TSHZ3: variants seen among roughly 807,000 people sequenced by gnomAD.
TSHZ3 encodes the protein teashirt homolog 3.
In TSHZ3, 10 loss-of-function variants were observed where a neutral mutation model predicts 64.5. The ratio of observed to expected loss-of-function variants is 0.16; its 90% CI spans 0.10 to 0.26. The LOEUF (loss-of-function observed/expected upper bound fraction) is 0.26. TSHZ3 is among the 10% of genes least tolerant of loss of function. The pLI, the probability that TSHZ3 is intolerant of heterozygous loss-of-function variation, is 1.00. For synonymous variants in TSHZ3, 608 were observed against 593.1 expected, an observed-to-expected ratio of 1.03 and a Z score of -0.36; for missense variants, 1,242 against 1,421.7, an observed-to-expected ratio of 0.87 and a Z score of 2.03.
chr19:31,260,261 C>T lies in TSHZ3; in HGVS notation n.64-17386G>A, dbSNP rs573825817. ...CTTGCTCTGTCCTGCCCAGTCCCCCCGCCCAGGTCTCTGTCAGATTCACCA... is the reference window on the plus strand; with the variant it reads ...CTTGCTCTGTCCTGCCCAGTCCCCCTGCCCAGGTCTCTGTCAGATTCACCA... On this transcript the variant is annotated intron_variant and non_coding_transcript_variant, in intron 1 of 6. Coordinates refer to the TSHZ3 transcript ENST00000651361. Among the ~76,000 whole-genome samples, 11 of 152,276 alleles carry T rather than the reference C, an allele frequency of 7.2e-5. No homozygotes were observed. In the East Asian group the frequency reaches 7.7e-4, roughly 11 times the overall value.
At position 31,236,877 on chromosome 19, in the gene TSHZ3, G is replaced by A. The variant is rs146797287; in HGVS notation, n.550+5392C>T. ...AAGAAACAATCAACAGGCTGGGCGT[G>A]GTGGCTCAGGCCTGTAATCCCAGCA... On this transcript the variant is annotated intron_variant and non_coding_transcript_variant, in intron 3 of 6. Coordinates refer to the TSHZ3 transcript ENST00000651361. Among the ~76,000 whole-genome samples, 708 of 152,288 alleles carry A rather than the reference G, an allele frequency of 4.6e-3. 7 individuals carry two copies. The highest frequency in any genetic ancestry group is 0.015 in the African/African-American group (639 of 41,568).
chr19:31,263,757 C>T (rs1599611044), intron 1 of TSHZ3, among the ~76,000 whole-genome samples: 1 of 152,136 alleles, frequency 6.6e-6, no homozygotes, highest in Admixed American at 6.5e-5. Flanking sequence ...AGCAATGAGG[C>T]AATTAATGAG....
At chr19:31,316,601 G>A (rs1032014930) in intron 1 of TSHZ3, among the ~76,000 whole-genome samples, 1 of 152,172 alleles carries the variant, frequency 6.6e-6, no homozygotes, top group Non-Finnish European at 1.5e-5. Context: ...TGCGGCAGCC[G>A]CTGTGTCGTG....
At chr19:31,240,206 C>A (rs1975669803) in intron 3 of TSHZ3, among the ~76,000 whole-genome samples, 1 of 151,636 alleles carries the variant, frequency 6.6e-6, no homozygotes. Flanking sequence ...TTTTTTGGTC[C>A]CAATACTTCT....
At chr19:31,179,645 G>A (rs922351454) in intron 5 of TSHZ3, among the ~76,000 whole-genome samples, 1 of 151,976 alleles carries the variant, frequency 6.6e-6, no homozygotes, top group East Asian at 1.9e-4. Context: ...TGACAGTGGT[G>A]TTTGTGATGG....
At chr19:31,221,292 T>C (rs1975392233) in intron 4 of TSHZ3, among the ~76,000 whole-genome samples, 1 of 152,186 alleles carries the variant, frequency 6.6e-6, no homozygotes, top group African/African-American at 2.4e-5. Flanking sequence ...TTCCAATAGA[T>C]ATGTGCATGT....
At chr19:31,340,924 C>T (rs532659054) in intron 1 of TSHZ3, among the ~76,000 whole-genome samples, 19 of 152,390 alleles carry the variant, frequency 1.2e-4, no homozygotes, top group Admixed American at 9.8e-4. Context: ...GGAACCACTG[C>T]GTTCACCTTC....
chr19:31,330,716 A>G (rs10409584), intron 1 of TSHZ3, among the ~76,000 whole-genome samples: 51,333 of 141,246 alleles, frequency 0.36, 9,606 homozygotes, highest in East Asian at 0.46. Flanking sequence ...GGGCGGGGGG[A>G]GGAAAGTCCA....
At chr19:31,207,313 T>C (rs1023354559) in intron 4 of TSHZ3, among the ~76,000 whole-genome samples, 3 of 152,236 alleles carry the variant, frequency 2.0e-5, no homozygotes, top group Non-Finnish European at 2.9e-5. Flanking sequence ...TCCAATTGTT[T>C]CCCTTCAATT....
chr19:31,296,715 C>T (rs903945846), intron 1 of TSHZ3, among the ~76,000 whole-genome samples: 3 of 152,160 alleles, frequency 2.0e-5, no homozygotes, highest in African/African-American at 7.2e-5. Context: ...CTATACTGGG[C>T]ACCGTCAGCC....
At chr19:31,294,091 G>C (rs1450992181) in intron 1 of TSHZ3, among the ~76,000 whole-genome samples, 1 of 152,096 alleles carries the variant, frequency 6.6e-6, no homozygotes, top group Non-Finnish European at 1.5e-5. Flanking sequence ...ATGACCACAA[G>C]GAAAACTTGG....
chr19:31,277,241 A>G lies in TSHZ3; in HGVS notation c.2552T>C (p.Leu851Pro). 1 of 1,614,184 alleles carries G rather than the reference A, an allele frequency of 6.2e-7. No homozygotes were observed. The highest frequency in any genetic ancestry group is 8.5e-7 in the Non-Finnish European group (1 of 1,180,038). Residue 851 changes from leucine (L) to proline (P), a missense_variant, in exon 2 of 2, where the codon CTG becomes CCG. Physicochemically the swap from Leu to Pro is moderately conservative, Grantham distance 98. Transcript: ENST00000240587. This position sits in a 1 kb window ranked among gnomAD's most constrained non-coding sequence, Gnocchi z 4.5. ...CGTGTGGCTCTCTGTCAAGTTCTTC[A>G]GCATATCGGATATATCTGACAAGGC... Reference protein sequence around the residue: ...ENALSDISDMLKNLTESHTSK... With the variant: ...ENALSDISDMPKNLTESHTSK...
intron 1 of TSHZ3, among the ~76,000 whole-genome samples, chr19:31,342,141 C>T (rs1051408830): frequency 1.3e-5 from 2 of 152,168 alleles, no homozygotes; most frequent in African/African-American, 4.8e-5. Flanking sequence ...ATAGCAATTA[C>T]ATCTAACAGA....
At chr19:31,339,758 G>C (rs536494207) in intron 1 of TSHZ3, among the ~76,000 whole-genome samples, 1 of 150,490 alleles carries the variant, frequency 6.6e-6, no homozygotes, top group South Asian at 2.1e-4. Flanking sequence ...CTGGGAAATC[G>C]TACTCCATCC....
intron 1 of TSHZ3, among the ~76,000 whole-genome samples, chr19:31,307,562 G>A (rs1916336916): frequency 6.6e-6 from 1 of 152,210 alleles, no homozygotes; most frequent in African/African-American, 2.4e-5. Context: ...GCAAAGCCAA[G>A]GGTGCCCCCC....
Position 31,200,978 on chromosome 19 carries a change from G to C in TSHZ3, n.809+3978C>G, listed in dbSNP as rs139287288. On this transcript the variant is annotated intron_variant and non_coding_transcript_variant, in intron 5 of 6. Coordinates refer to the TSHZ3 transcript ENST00000651361. ...CATATTAAACTGTACTTTAAAGCAA[G>C]TATAATTAAAGCAGTGTGGTGTCAG... is the stretch of plus-strand genomic sequence containing the variant. Among the ~76,000 whole-genome samples the C allele has an allele frequency of 3.9e-3, 583 of 149,582 alleles. 3 individuals carry two copies. The highest frequency in any genetic ancestry group is 0.013 in the African/African-American group (549 of 41,044).
intron 1 of TSHZ3, among the ~76,000 whole-genome samples, chr19:31,259,371 T>G (rs1356115390): frequency 6.6e-6 from 1 of 152,212 alleles, no homozygotes; most frequent in Admixed American, 6.5e-5. Context: ...TCCCTTTATT[T>G]TAACTCAAAC....
chr19:31,258,694 G>A (rs1007220646), intron 1 of TSHZ3, among the ~76,000 whole-genome samples: 1 of 152,180 alleles, frequency 6.6e-6, no homozygotes, highest in Non-Finnish European at 1.5e-5. Flanking sequence ...GTTGAATACA[G>A]GAAATAAGGG....
chr19:31,210,806 T>G (rs570429340), intron 4 of TSHZ3, among the ~76,000 whole-genome samples: 31 of 152,356 alleles, frequency 2.0e-4, no homozygotes, highest in Non-Finnish European at 3.8e-4. Context: ...AATTCACATT[T>G]GAAAATATTA....
Sources: gnomAD v4.1 joint callset for allele counts (sites outside exome capture counted in the v4.1 genomes callset) on GRCh38, gnomAD v4.1.1 for gene constraint, Gnocchi (gnomAD v3.1) non-coding constraint, MANE v1.5 for transcripts, NCBI Gene and HGNC (gene_info 2026-07-23, HGNC 2026-07-21) for gene names.